CADM2: variants seen among roughly 807,000 people sequenced by gnomAD.
CADM2 encodes the protein immunoglobulin superfamily member 4D.
Under a neutral mutation model 49.8 loss-of-function variants are expected in CADM2, and 12 were observed. That is an observed-to-expected ratio of 0.24 (90% CI 0.15 to 0.39). The LOEUF (loss-of-function observed/expected upper bound fraction) is 0.39. Among genes scored for constraint, CADM2 ranks in the 10% least tolerant of loss-of-function variants. The pLI, the probability that CADM2 is intolerant of heterozygous loss-of-function variation, is 1.00. For missense variants in CADM2, 378 were observed against 492.3 expected, an observed-to-expected ratio of 0.77 and a Z score of 2.20; for synonymous variants, 214 against 175.4, an observed-to-expected ratio of 1.22 and a Z score of -1.74.
At chr3:85,243,503 A>G (rs567791845) in intron 1 of CADM2, among the ~76,000 whole-genome samples, 2 of 152,176 alleles carry the variant, frequency 1.3e-5, no homozygotes, top group South Asian at 4.1e-4. Context: ...CTTTATTACT[A>G]AAAGCACTAA....
intron 1 of CADM2, among the ~76,000 whole-genome samples, chr3:85,291,336 A>T (rs2106935135): frequency 6.6e-6 from 1 of 151,772 alleles, no homozygotes; most frequent in Middle Eastern, 3.4e-3. Context: ...AGTGACGGGG[A>T]GAATGGAACC....
At chr3:86,025,498 T>A (rs939148397) in intron 8 of CADM2, among the ~76,000 whole-genome samples, 1 of 152,160 alleles carries the variant, frequency 6.6e-6, no homozygotes, top group Non-Finnish European at 1.5e-5. Context: ...TTTTTTTAAA[T>A]CTTTATACAA....
chr3:85,229,420 T>C (rs1839938), intron 1 of CADM2, among the ~76,000 whole-genome samples: 33,470 of 151,984 alleles, frequency 0.22, 6,052 homozygotes, highest in African/African-American at 0.5. Flanking sequence ...CTGGGTGAGG[T>C]GACAGCCCGC....
At chr3:85,179,949 C>A (rs2040883566) in intron 1 of CADM2, among the ~76,000 whole-genome samples, 1 of 152,010 alleles carries the variant, frequency 6.6e-6, no homozygotes, top group African/African-American at 2.4e-5. Context: ...ATTTACTAAG[C>A]ACGTATTATA....
chr3:84,991,452 C>G (rs1221738287), intron 1 of CADM2, among the ~76,000 whole-genome samples: 1 of 152,112 alleles, frequency 6.6e-6, no homozygotes, highest in Non-Finnish European at 1.5e-5. Flanking sequence ...ATTATGCTCT[C>G]TACTATATCA....
chr3:85,663,961 C>G (rs557753613), intron 1 of CADM2, among the ~76,000 whole-genome samples: 1 of 151,944 alleles, frequency 6.6e-6, no homozygotes. Context: ...TTTCGTCTTA[C>G]GCAATTAAGC....
chr3:85,315,601 T>C (rs1456865112), intron 1 of CADM2, among the ~76,000 whole-genome samples: 1 of 152,160 alleles, frequency 6.6e-6, no homozygotes, highest in African/African-American at 2.4e-5. Flanking sequence ...GTACAAACAA[T>C]TTTTGCCATG....
intron 1 of CADM2, among the ~76,000 whole-genome samples, chr3:85,360,880 A>G (rs2032307078): frequency 6.6e-6 from 1 of 152,164 alleles, no homozygotes; most frequent in Non-Finnish European, 1.5e-5. Flanking sequence ...GTTCAAAGTC[A>G]TTCTGCAGCT....
rs2042086865 is a variant in CADM2, at chr3:85,223,601, T to C, written c.61+263933T>C. On this transcript the variant is annotated intron_variant, in intron 1 of 9. Coordinates refer to ENST00000383699, the MANE Select transcript of CADM2 (RefSeq NM_001167675.2). Reference sequence around the variant, plus strand: ...GACAAATGTTTTTATGTTTTATTTTTATTTTTTATTTTTTTATTACTCTTT... The same window carrying C: ...GACAAATGTTTTTATGTTTTATTTTCATTTTTTATTTTTTTATTACTCTTT... Among the ~76,000 whole-genome samples the C allele has an allele frequency of 2.0e-5, 3 of 152,146 alleles. No individual in the cohort carries two copies. In the South Asian group the frequency reaches 6.2e-4, roughly 31 times the overall value.
intron 1 of CADM2, among the ~76,000 whole-genome samples, chr3:85,611,105 A>T (rs992901376): frequency 6.6e-6 from 1 of 152,002 alleles, no homozygotes; most frequent in Admixed American, 6.6e-5. Context: ...ATTTATGAGT[A>T]ACCAAAAAAG....
At chr3:85,894,316 G>C (rs760843720) in intron 5 of CADM2, among the ~76,000 whole-genome samples, 7 of 152,164 alleles carry the variant, frequency 4.6e-5, no homozygotes, top group Non-Finnish European at 8.8e-5. Context: ...TTGGACACAG[G>C]AAGGGGAACA....
intron 1 of CADM2, among the ~76,000 whole-genome samples, chr3:85,539,140 T>TTAAA: frequency 6.7e-6 from 1 of 148,376 alleles, no homozygotes; most frequent in South Asian, 2.1e-4. Context: ...AGATTTACAT[T>TTAAA]AAAAAAAAAC....
intron 1 of CADM2, among the ~76,000 whole-genome samples, chr3:85,665,538 T>A (rs2065539102): frequency 6.6e-6 from 1 of 151,990 alleles, no homozygotes; most frequent in South Asian, 2.1e-4. Context: ...GAAATTTAAC[T>A]CTGACATCTA....
chr3:85,880,894 C>T (rs1202589423), intron 3 of CADM2, among the ~76,000 whole-genome samples: 1 of 152,090 alleles, frequency 6.6e-6, no homozygotes, highest in Non-Finnish European at 1.5e-5. Context: ...GGGTTTCACT[C>T]AGCTTCTTGA....
At chr3:85,206,497 C>T (rs1273451296) in intron 1 of CADM2, among the ~76,000 whole-genome samples, 4 of 151,704 alleles carry the variant, frequency 2.6e-5, no homozygotes, top group Admixed American at 6.6e-5. Context: ...TTAGTAGAGA[C>T]GGGGTTTCAC....
intron 6 of CADM2, among the ~76,000 whole-genome samples, chr3:85,933,022 G>T (rs773734340): frequency 1.1e-4 from 17 of 152,216 alleles, no homozygotes; most frequent in Non-Finnish European, 2.4e-4. Flanking sequence ...CGCCTCTCCT[G>T]TACTGCTTAA....
intron 1 of CADM2, among the ~76,000 whole-genome samples, chr3:85,155,880 C>A (rs1438597924): frequency 3.9e-5 from 6 of 152,124 alleles, no homozygotes; most frequent in Admixed American, 3.9e-4. Context: ...TAAAGATGTT[C>A]TTTGAAACCA....
At chr3:85,253,484 G>A in intron 1 of CADM2, among the ~76,000 whole-genome samples, 1 of 151,958 alleles carries the variant, frequency 6.6e-6, no homozygotes, top group East Asian at 1.9e-4. Context: ...TAAGGTAGCA[G>A]CAAAGATCTA....
rs554891085 is a variant in CADM2 at position 85,305,488 on chromosome 3, G to A, written c.61+345820G>A. Among the ~76,000 whole-genome samples, 7 of 151,680 alleles carry A rather than the reference G, an allele frequency of 4.6e-5. No homozygotes were observed. The East Asian group carries it at 1.4e-3, about 29-fold the overall frequency. ...CCAAATTTCAAAGTTAGTAAATAGG[G>A]CTTGAGAAAGTAAGTAATCCTGAAG... On this transcript the variant is annotated intron_variant, in intron 1 of 9. Coordinates refer to ENST00000383699, the MANE Select transcript of CADM2 (RefSeq NM_001167675.2).
Sources: allele counts gnomAD v4.1 joint callset (sites outside exome capture counted in the v4.1 genomes callset), GRCh38; gene constraint gnomAD v4.1.1; transcripts MANE v1.5; gene names NCBI Gene and HGNC (gene_info 2026-07-23, HGNC 2026-07-21).